Variants in C8orf74 observed in about 807,000 individuals in gnomAD.
C8orf74 encodes uncharacterized protein C8orf74.
Under a neutral mutation model 22.2 loss-of-function variants are expected in C8orf74, and 29 were observed. The ratio of observed to expected loss-of-function variants is 1.31; its 90% CI spans 0.97 to 1.78. The LOEUF (loss-of-function observed/expected upper bound fraction) is 1.78, where lower values mean the gene tolerates loss of function less well. C8orf74 is among the 40% of genes most tolerant of loss of function. The pLI, the probability that C8orf74 is intolerant of heterozygous loss-of-function variation, is 0.00. For synonymous variants in C8orf74, 255 were observed against 163.1 expected (o/e 1.56, Z -4.30); for missense variants, 515 against 369.9 (o/e 1.39, Z -3.22).
Position 10,700,367 on chromosome 8 carries a change from G to GCCCCCCCCCCCAAACCCCCCCCCCACAC in C8orf74, c.786_787insCCCCCCAAACCCCCCCCCCACACCCCCC (p.Thr263ProfsTer66). The GCCCCCCCCCCCAAACCCCCCCCCCACAC allele has an allele frequency of 3.8e-6, 6 of 1,590,832 alleles. No homozygotes were observed. Among genetic ancestry groups the GCCCCCCCCCCCAAACCCCCCCCCCACAC allele is most frequent in the South Asian group, 1.1e-5 (1 of 90,476 alleles). ...TCAGAAGAAGACTCTGAACCTCAAC[G>GCCCCCCCCCCCAAACCCCCCCCCCACAC]CCCCCACCCCTATCCCGCCCCCCAT... On this transcript the variant is annotated frameshift_variant, in exon 4 of 4. Transcript: ENST00000304519. LOFTEE classifies it low-confidence loss of function (END_TRUNC).
At chr8:10,673,190 C>G (rs1254285776) in intron 1 of C8orf74, among the ~76,000 whole-genome samples, 3 of 152,114 alleles carry the variant, frequency 2.0e-5, no homozygotes, top group Non-Finnish European at 2.9e-5. Context: ...GTCCTCCCAG[C>G]CAGAGGATCC....
intron 2 of C8orf74, among the ~76,000 whole-genome samples, chr8:10,694,136 T>C (rs909630427): frequency 6.6e-6 from 1 of 152,140 alleles, no homozygotes; most frequent in Non-Finnish European, 1.5e-5. Flanking sequence ...TTCACCCAAC[T>C]CTGTTCCTCT....
chr8:10,676,188 A>G (rs1056537766), intron 2 of C8orf74, among the ~76,000 whole-genome samples: 1 of 152,150 alleles, frequency 6.6e-6, no homozygotes, highest in Non-Finnish European at 1.5e-5. Context: ...AAAGTATAAT[A>G]ATTTTTTTTT....
intron 2 of C8orf74, among the ~76,000 whole-genome samples, chr8:10,680,953 A>G (rs1215634823): frequency 6.6e-6 from 1 of 151,874 alleles, no homozygotes; most frequent in Non-Finnish European, 1.5e-5. Context: ...TAAAATCCAC[A>G]CTGGGCTTTC....
At chr8:10,684,293 T>C (rs1161505212) in intron 2 of C8orf74, among the ~76,000 whole-genome samples, 1 of 152,226 alleles carries the variant, frequency 6.6e-6, no homozygotes, top group Non-Finnish European at 1.5e-5. Context: ...AGCCTGTCCC[T>C]TCTGCCAAAG....
chr8:10,689,630 A>G (rs1799332231), intron 2 of C8orf74: 2 of 152,310 alleles, frequency 1.3e-5, no homozygotes, highest in South Asian at 4.2e-4. Context: ...CTCTTCCAGA[A>G]TTTACTTACT....
At chr8:10,691,069 G>A in intron 2 of C8orf74, 2 of 389,114 alleles carry the variant, frequency 5.1e-6, no homozygotes, top group Non-Finnish European at 1.1e-5. Context: ...AGGGAGTGTG[G>A]TCCGAGGCCA....
chr8:10,673,152 C>T (rs1327177135), intron 1 of C8orf74, among the ~76,000 whole-genome samples: 1 of 152,126 alleles, frequency 6.6e-6, no homozygotes, highest in East Asian at 1.9e-4. Context: ...TCACTAAGGC[C>T]ACCATTGGTC....
intron 2 of C8orf74, among the ~76,000 whole-genome samples, chr8:10,679,097 G>A (rs1799093845): frequency 6.6e-6 from 1 of 152,152 alleles, no homozygotes; most frequent in South Asian, 2.1e-4. Flanking sequence ...TCCTAGCTGT[G>A]GGACCTTGGC....
rs1427736554 is a variant in C8orf74 at position 10,700,481 on chromosome 8, A to G, written c.*10A>G. On this transcript the variant is annotated 3_prime_UTR_variant, in exon 4 of 4. Coordinates refer to ENST00000304519, the MANE Select transcript of C8orf74 (RefSeq NM_001040032.2). ...GAAGGCAAGGAAGTAGAAGGTCCCG[A>G]CTGCCACACGAGACTGACTGGGGAC... 1 of 1,523,788 alleles carries G rather than the reference A, an allele frequency of 6.6e-7. No individual in the cohort carries two copies. Among genetic ancestry groups the G allele is most frequent in the Non-Finnish European group, 8.9e-7 (1 of 1,127,932 alleles). 94.4% of individuals were successfully genotyped at this position (1,523,788 alleles called of 1,614,324 possible). A position where few individuals can be genotyped will look rare whatever the true frequency, so the allele number is the denominator to read the frequency against.
chr8:10,674,103 C>T (rs1271205439), intron 1 of C8orf74, among the ~76,000 whole-genome samples: 1 of 146,036 alleles, frequency 6.8e-6, no homozygotes, highest in East Asian at 2.1e-4. Context: ...CCCTGCAACC[C>T]CCATATCATA....
intron 2 of C8orf74, among the ~76,000 whole-genome samples, chr8:10,684,421 C>G (rs1428726347): frequency 6.6e-6 from 1 of 152,164 alleles, no homozygotes; most frequent in African/African-American, 2.4e-5. Flanking sequence ...AGGGCGTGGA[C>G]AAGAGTCCAT....
At chr8:10,680,663 T>G (rs987608604) in intron 2 of C8orf74, among the ~76,000 whole-genome samples, 10 of 152,228 alleles carry the variant, frequency 6.6e-5, no homozygotes, top group African/African-American at 2.2e-4. Context: ...ACCTGGACTC[T>G]AACCAGCTGC....
At chr8:10,695,437 T>C (rs940658994) in intron 2 of C8orf74, among the ~76,000 whole-genome samples, 1 of 152,026 alleles carries the variant, frequency 6.6e-6, no homozygotes, top group African/African-American at 2.4e-5. Context: ...GAGCAGTCCC[T>C]CCTTCCCTCC....
intron 2 of C8orf74, 65 bp from the exon 3 acceptor site, chr8:10,697,534 C>T (rs1333241256): frequency 2.8e-6 from 4 of 1,447,608 alleles, no homozygotes; most frequent in Non-Finnish European, 3.8e-6. Flanking sequence ...GCAGAGCCCA[C>T]ATCCACTGCC....
chr8:10,681,160 T>G (rs1364625533), intron 2 of C8orf74, among the ~76,000 whole-genome samples: 1 of 152,030 alleles, frequency 6.6e-6, no homozygotes, highest in Non-Finnish European at 1.5e-5. Flanking sequence ...CGATCAGGCC[T>G]TGGCGCAGGG....
intron 2 of C8orf74, among the ~76,000 whole-genome samples, chr8:10,680,953 A>C (rs1215634823): frequency 6.6e-6 from 1 of 151,874 alleles, no homozygotes; most frequent in Non-Finnish European, 1.5e-5. Flanking sequence ...TAAAATCCAC[A>C]CTGGGCTTTC....
intron 3 of C8orf74, 41 bp downstream of exon 3, chr8:10,698,046 T>A: frequency 6.3e-6 from 9 of 1,437,416 alleles, no homozygotes; most frequent in Non-Finnish European, 8.2e-6. Flanking sequence ...CACCTGGGCC[T>A]GCAGAGACAC....
intron 2 of C8orf74, among the ~76,000 whole-genome samples, chr8:10,696,593 A>G (rs370847832): frequency 6.7e-6 from 1 of 150,336 alleles, no homozygotes. Flanking sequence ...GATTACAGGC[A>G]CCTGCCACTA....
Sources: allele counts gnomAD v4.1 joint callset (sites outside exome capture counted in the v4.1 genomes callset), GRCh38; gene constraint gnomAD v4.1.1; transcripts MANE v1.5; gene names NCBI Gene and HGNC (gene_info 2026-07-23, HGNC 2026-07-21).